Variants in MEIS1 observed in about 807,000 individuals in gnomAD.
The protein encoded by MEIS1 is homeobox protein Meis1.
In MEIS1, 5 loss-of-function variants were observed where a neutral mutation model predicts 50.8. The observed-to-expected ratio is 0.10, with a 90% CI of 0.05 to 0.21. The LOEUF (loss-of-function observed/expected upper bound fraction) is 0.21. Ranked by LOEUF, MEIS1 falls within the 10% of genes least tolerant of loss-of-function variation. The pLI is 1.00. For synonymous variants in MEIS1, 176 were observed against 179.3 expected (o/e 0.98, Z 0.15); for missense variants, 318 against 517.3 (o/e 0.61, Z 3.74).
chr2:66,528,741 T>A (rs1377367814), intron 8 of MEIS1, among the ~76,000 whole-genome samples: 6 of 152,208 alleles, frequency 3.9e-5, no homozygotes, highest in Admixed American at 6.5e-5. Context: ...ATCCCTTATT[T>A]TGACACAGTT....
chr2:66,560,178 CA>C (rs1216054868), intron 9 of MEIS1, among the ~76,000 whole-genome samples: 1 of 147,718 alleles, frequency 6.8e-6, no homozygotes, highest in African/African-American at 2.5e-5. Context: ...TAATATATAC[CA>C]AGTGATGAAT....
chr2:66,567,401 C>T (rs78221941), intron 9 of MEIS1, 52 bp from the exon 10 acceptor site: 6 of 1,567,590 alleles, frequency 3.8e-6, no homozygotes, highest in Admixed American at 1.8e-5. Flanking sequence ...CTTCCTCAAC[C>T]CCCCCTTTTA....
At chr2:66,464,698 A>G (rs1056474643) in intron 7 of MEIS1, among the ~76,000 whole-genome samples, 1 of 152,082 alleles carries the variant, frequency 6.6e-6, no homozygotes, top group African/African-American at 2.4e-5. Flanking sequence ...TTCTGGTTTT[A>G]CTTATCTGAA....
At chr2:66,541,277 TC>T (rs1315386204) in intron 8 of MEIS1, among the ~76,000 whole-genome samples, 2 of 152,046 alleles carry the variant, frequency 1.3e-5, no homozygotes, top group African/African-American at 4.8e-5. Context: ...GACCTTGTGA[TC>T]CTCCCGTCTC....
At chr2:66,469,068 T>C (rs986449921) in intron 7 of MEIS1, among the ~76,000 whole-genome samples, 2 of 152,196 alleles carry the variant, frequency 1.3e-5, no homozygotes, top group Admixed American at 6.5e-5. Flanking sequence ...GTATTATTTC[T>C]ACATGGAAAT....
At position 66,544,345 on chromosome 2, in the gene MEIS1, T is replaced by C. The variant is rs557497580; in HGVS notation, c.889-3598T>C. The stretch of plus-strand genomic sequence containing the variant: ...TAAAGATGCATAGGATTTAAGATAT[T>C]GAAACATATTAGGTTTCAGTTTAAA... On this transcript the variant is annotated intron_variant, in intron 8 of 12. Transcript: ENST00000272369. Among the ~76,000 whole-genome samples, 28 of 152,306 alleles carry C rather than the reference T, an allele frequency of 1.8e-4. 1 individual carries two copies. The highest frequency in any genetic ancestry group is 6.7e-4 in the African/African-American group (28 of 41,574).
At chr2:66,469,219 C>G (rs78399484) in intron 7 of MEIS1, among the ~76,000 whole-genome samples, 3 of 151,834 alleles carry the variant, frequency 2.0e-5, no homozygotes, top group African/African-American at 7.3e-5. Flanking sequence ...ACCAGCATGC[C>G]AGGATGTTTC....
intron 2 of MEIS1, 41 bp downstream of exon 2, chr2:66,438,004 C>G: frequency 2.0e-6 from 3 of 1,493,856 alleles, no homozygotes; most frequent in Non-Finnish European, 2.7e-6. Flanking sequence ...TGAGACTCAA[C>G]GCTTCCCTCT....
intron 8 of MEIS1, among the ~76,000 whole-genome samples, chr2:66,538,855 T>C (rs1674580562): frequency 6.6e-6 from 1 of 152,170 alleles, no homozygotes; most frequent in Non-Finnish European, 1.5e-5. Flanking sequence ...AGTAGGCATT[T>C]GATTCTATGA....
intron 8 of MEIS1, 54 bp from the exon 9 acceptor site, chr2:66,547,889 A>G: frequency 6.3e-7 from 1 of 1,581,764 alleles, no homozygotes; most frequent in Non-Finnish European, 8.7e-7. Flanking sequence ...TAGGCTATTG[A>G]CAAAATGGCT....
intron 6 of MEIS1, among the ~76,000 whole-genome samples, chr2:66,462,254 C>T (rs1414028604): frequency 1.3e-5 from 2 of 152,098 alleles, no homozygotes; most frequent in East Asian, 3.9e-4. Context: ...CTTGTTATCG[C>T]TAGCTTTTCT....
intron 6 of MEIS1, among the ~76,000 whole-genome samples, chr2:66,458,907 A>G (rs950093351): frequency 1.3e-5 from 2 of 152,244 alleles, no homozygotes; most frequent in African/African-American, 4.8e-5. Context: ...TAAGTTATTC[A>G]TTCAAAAATA....
At chr2:66,488,453 C>T (rs548108919) in intron 7 of MEIS1, among the ~76,000 whole-genome samples, 27 of 152,034 alleles carry the variant, frequency 1.8e-4, no homozygotes, top group Middle Eastern at 3.4e-3. Context: ...CTGAGGCAGG[C>T]GGATCACAAG....
intron 7 of MEIS1, among the ~76,000 whole-genome samples, chr2:66,473,703 T>C (rs114144006): frequency 3.5e-4 from 53 of 152,236 alleles, no homozygotes; most frequent in African/African-American, 1.2e-3. Flanking sequence ...CAAGTACATA[T>C]ATCCCCTGAA....
intron 7 of MEIS1, among the ~76,000 whole-genome samples, chr2:66,498,937 G>A (rs1673480490): frequency 1.3e-5 from 2 of 152,196 alleles, no homozygotes; most frequent in South Asian, 4.1e-4. Flanking sequence ...ATGAAAGTTT[G>A]AGCAGCACTG....
chr2:66,547,844 A>C (rs964252174), intron 8 of MEIS1, 99 bp from the exon 9 acceptor site: 2 of 1,162,996 alleles, frequency 1.7e-6, no homozygotes, highest in East Asian at 4.8e-5. Context: ...ACACCTCAGC[A>C]TTTTTACCTT....
chr2:66,451,730 A>C (rs757374811), intron 6 of MEIS1, among the ~76,000 whole-genome samples: 6 of 152,130 alleles, frequency 3.9e-5, no homozygotes, highest in Middle Eastern at 3.4e-3. Context: ...GAAATTCTAA[A>C]GGCATACTTA....
intron 8 of MEIS1, among the ~76,000 whole-genome samples, chr2:66,537,388 T>A (rs1387116470): frequency 6.6e-6 from 1 of 152,106 alleles, no homozygotes; most frequent in Non-Finnish European, 1.5e-5. Flanking sequence ...GAGTCCCCCA[T>A]AAACACAACT....
At chr2:66,454,545 C>A (rs556936901) in intron 6 of MEIS1, among the ~76,000 whole-genome samples, 1 of 151,888 alleles carries the variant, frequency 6.6e-6, no homozygotes, top group South Asian at 2.1e-4. Flanking sequence ...TTGTTGCTTT[C>A]GGGATGTTAT....
Sources: allele counts gnomAD v4.1 joint callset (sites outside exome capture counted in the v4.1 genomes callset), GRCh38; gene constraint gnomAD v4.1.1; transcripts MANE v1.5; gene names NCBI Gene and HGNC (gene_info 2026-07-23, HGNC 2026-07-21).